Variants in RBFOX1 observed in about 807,000 individuals in gnomAD.
RBFOX1 encodes the protein RNA binding protein fox-1 homolog 1.
In RBFOX1, 8 loss-of-function variants were observed where a neutral mutation model predicts 57.7. That is an observed-to-expected ratio of 0.14 (90% CI 0.08 to 0.25). The LOEUF (loss-of-function observed/expected upper bound fraction) is 0.25. Ranked by LOEUF, RBFOX1 falls within the 10% of genes least tolerant of loss-of-function variation. RBFOX1 has a pLI of 1.00. For synonymous variants in RBFOX1, 326 were observed against 222.4 expected, an observed-to-expected ratio of 1.47 and a Z score of -4.15; for missense variants, 611 against 548.5, an observed-to-expected ratio of 1.11 and a Z score of -1.14.
chr16:7,136,576 AATTT>A (rs983043466), intron 4 of RBFOX1, among the ~76,000 whole-genome samples: 5 of 151,882 alleles, frequency 3.3e-5, no homozygotes, highest in African/African-American at 1.2e-4. Context: ...CTAGCTAATT[AATTT>A]GTTTGTTTGT....
At chr16:7,404,352 C>A (rs144870161) in intron 4 of RBFOX1, among the ~76,000 whole-genome samples, 1 of 152,216 alleles carries the variant, frequency 6.6e-6, no homozygotes, top group African/African-American at 2.4e-5. Context: ...CGTGCCCAGC[C>A]GACATAGGAA....
intron 12 of RBFOX1, among the ~76,000 whole-genome samples, chr16:7,655,610 T>C (rs990533654): frequency 2.6e-5 from 4 of 152,010 alleles, no homozygotes; most frequent in African/African-American, 7.2e-5. Context: ...GATCATGTAA[T>C]GAGTTATGAA....
intron 2 of RBFOX1, among the ~76,000 whole-genome samples, chr16:6,504,034 A>G (rs1832264596): frequency 6.6e-6 from 1 of 152,146 alleles, no homozygotes; most frequent in Non-Finnish European, 1.5e-5. Context: ...CATCTTTCTT[A>G]TCTTTTATTG....
chr16:7,649,250 G>C (rs1472319790), intron 11 of RBFOX1, among the ~76,000 whole-genome samples: 1 of 152,134 alleles, frequency 6.6e-6, no homozygotes, highest in Non-Finnish European at 1.5e-5. Context: ...AATGTGCTCT[G>C]CTACAAGGGT....
At chr16:7,178,277 C>T (rs2082057381) in intron 4 of RBFOX1, among the ~76,000 whole-genome samples, 1 of 152,202 alleles carries the variant, frequency 6.6e-6, no homozygotes, top group African/African-American at 2.4e-5. Flanking sequence ...TTAGTTTCTG[C>T]AACACACAGC....
chr16:7,709,877 A>G (rs992424116), intron 15 of RBFOX1: 23 of 1,122,156 alleles, frequency 2.0e-5, no homozygotes, highest in African/African-American at 4.9e-5. Flanking sequence ...AGCATATGCA[A>G]TCATTACAAA....
At chr16:6,608,118 C>T (rs908292632) in intron 2 of RBFOX1, among the ~76,000 whole-genome samples, 1 of 152,156 alleles carries the variant, frequency 6.6e-6, no homozygotes, top group African/African-American at 2.4e-5. Flanking sequence ...AACGGGTTCT[C>T]AAGAAATACT....
chr16:6,554,033 T>TATGAATGAATGA (rs34641433), intron 2 of RBFOX1, among the ~76,000 whole-genome samples: 109 of 151,922 alleles, frequency 7.2e-4, no homozygotes, highest in African/African-American at 2.1e-3. Context: ...GTTTTGAAAG[T>TATGAATGAATGA]ATGAATGAAT....
chr16:6,346,564 C>T (rs551748619), intron 2 of RBFOX1, among the ~76,000 whole-genome samples: 58 of 152,322 alleles, frequency 3.8e-4, no homozygotes, highest in African/African-American at 1.2e-3. Context: ...TCCATAAAGG[C>T]TGACTGCCTG....
intron 2 of RBFOX1, among the ~76,000 whole-genome samples, chr16:6,415,465 G>A (rs906785577): frequency 4.0e-5 from 6 of 151,518 alleles, no homozygotes; most frequent in Non-Finnish European, 5.9e-5. Flanking sequence ...AGATTTGGGA[G>A]GTCGAGGAGG....
intron 4 of RBFOX1, among the ~76,000 whole-genome samples, chr16:5,872,466 C>T (rs2057496799): frequency 6.6e-6 from 1 of 152,170 alleles, no homozygotes; most frequent in African/African-American, 2.4e-5. Flanking sequence ...CATGGTGGCT[C>T]ACACCTGTAG....
chr16:6,255,393 A>T (rs976144790), intron 1 of RBFOX1, among the ~76,000 whole-genome samples: 3 of 152,174 alleles, frequency 2.0e-5, no homozygotes, highest in African/African-American at 7.2e-5. Context: ...TTGCTCGGCC[A>T]AGAGGTGAAA....
chr16:6,621,505 T>A (rs1287372913), intron 2 of RBFOX1, among the ~76,000 whole-genome samples: 1 of 152,116 alleles, frequency 6.6e-6, no homozygotes, highest in Non-Finnish European at 1.5e-5. Context: ...ACAGTAGTCA[T>A]TAGTGTCAGG....
At chr16:7,215,166 TTC>T (rs2091829577) in intron 4 of RBFOX1, among the ~76,000 whole-genome samples, 1 of 152,190 alleles carries the variant, frequency 6.6e-6, no homozygotes, top group African/African-American at 2.4e-5. Context: ...GTGTTTGGTT[TTC>T]TGTTCCTGTG....
At position 6,928,107 on chromosome 16, in the gene RBFOX1, C is replaced by T. The variant is rs766924423; in HGVS notation, c.-15-123950C>T. 2.6e-5 allele frequency among the ~76,000 whole-genome samples: 4 copies of T among 152,236 alleles called. 1 individual carries two copies. In the South Asian group the frequency reaches 6.2e-4, roughly 24 times the overall value. On this transcript the variant is annotated intron_variant, in intron 3 of 15. Coordinates refer to ENST00000550418, the MANE Select transcript of RBFOX1 (RefSeq NM_018723.4). Reference sequence around the variant, plus strand: ...CTTCTTTACTTTGGTTCCCTTCAGTCCCTTCGGCAGATGGCACAATTCTTA... The same window carrying T: ...CTTCTTTACTTTGGTTCCCTTCAGTTCCTTCGGCAGATGGCACAATTCTTA...
intron 2 of RBFOX1, among the ~76,000 whole-genome samples, chr16:6,456,660 A>G (rs893341972): frequency 7.2e-5 from 11 of 152,210 alleles, no homozygotes; most frequent in African/African-American, 2.2e-4. Flanking sequence ...GGAGAGGAAC[A>G]TCAGTTAGAG....
At chr16:6,590,880 G>T (rs1272090183) in intron 2 of RBFOX1, among the ~76,000 whole-genome samples, 3 of 152,050 alleles carry the variant, frequency 2.0e-5, no homozygotes, top group Non-Finnish European at 4.4e-5. Flanking sequence ...GGAGTGACCC[G>T]TGGCAAAAGC....
At chr16:5,344,201 C>T (rs1334283575) in intron 1 of RBFOX1, among the ~76,000 whole-genome samples, 2 of 152,210 alleles carry the variant, frequency 1.3e-5, no homozygotes, top group East Asian at 1.9e-4. Context: ...CAAATGTCTG[C>T]TGCTGTTGAG....
chr16:5,836,372 T>TGC (rs2056456955), intron 3 of RBFOX1, among the ~76,000 whole-genome samples: 1 of 152,158 alleles, frequency 6.6e-6, no homozygotes, highest in Non-Finnish European at 1.5e-5. Context: ...AGAGTTTTCC[T>TGC]CTGCAAACAT....
Sources: allele counts gnomAD v4.1 joint callset (sites outside exome capture counted in the v4.1 genomes callset), GRCh38; gene constraint gnomAD v4.1.1; transcripts MANE v1.5; gene names NCBI Gene and HGNC (gene_info 2026-07-23, HGNC 2026-07-21).